The following ZSCAN25 variants were observed in gnomAD, a reference collection of about 807,000 sequenced individuals.
ZSCAN25 encodes zinc finger and SCAN domain containing 25, also known as zinc finger and SCAN domain-containing protein 25.
Under a neutral mutation model 38.7 loss-of-function variants are expected in ZSCAN25, and 27 were observed. The ratio of observed to expected loss-of-function variants is 0.70; its 90% CI spans 0.51 to 0.96. ZSCAN25 has a LOEUF of 0.96. Ranked by LOEUF, ZSCAN25 falls within the 40% of genes least tolerant of loss-of-function variation. The pLI is 0.00. For synonymous variants in ZSCAN25, 273 were observed against 277.7 expected (o/e 0.98, Z 0.17); for missense variants, 637 against 705.9 (o/e 0.90, Z 1.11).
At chr7:99,633,597 G>C (rs1410768248), downstream of ZSCAN25, among the ~76,000 whole-genome samples, 1 of 152,054 alleles carries the variant, frequency 6.6e-6, no homozygotes. Flanking sequence ...ACAGAGTCTT[G>C]CTCTGTCACC....
chr7:99,674,578 C>G, the ZSCAN25 span: 8 of 1,613,362 alleles, frequency 5.0e-6, no homozygotes, highest in South Asian at 8.8e-5. Flanking sequence ...GTCAAATTTC[C>G]AGAGACCCTG....
chr7:99,660,278 G>A, the ZSCAN25 span: 2 of 614,514 alleles, frequency 3.3e-6, no homozygotes, highest in Non-Finnish European at 2.0e-6. Flanking sequence ...GTAAACAGGT[G>A]AACCAGGGCC....
rs1807977606 is a variant in ZSCAN25, at chr7:99,631,241, C to A, written c.*1221C>A. ...ACTAAATGGTCTCTGCCCTCCAGAC[C>A]CTTGTCATCCAAGGCACTAGGGGTC... On this transcript the variant is annotated 3_prime_UTR_variant, in exon 8 of 8. Coordinates refer to ENST00000394152, the MANE Select transcript of ZSCAN25 (RefSeq NM_145115.3). 1.0e-6 allele frequency: 1 copy of A among 985,272 alleles called. No individual in the cohort carries two copies. Among genetic ancestry groups the A allele is most frequent in the Admixed American group, 6.2e-5 (1 of 16,260 alleles). The allele number at this position is 985,272 out of a possible 1,614,324, so 61.0% of individuals were successfully genotyped here.
At chr7:99,624,676 CCGA>C (rs1807311867) in intron 7 of ZSCAN25, among the ~76,000 whole-genome samples, 1 of 152,118 alleles carries the variant, frequency 6.6e-6, no homozygotes, top group Non-Finnish European at 1.5e-5. Context: ...TTGGAGTGGC[CCGA>C]GTCACAGAGG....
chr7:99,646,522 G>A, the ZSCAN25 span, among the ~76,000 whole-genome samples: 1 of 151,998 alleles, frequency 6.6e-6, no homozygotes, highest in African/African-American at 2.4e-5. Flanking sequence ...AATATCATTT[G>A]GAAGTCATAT....
At chr7:99,672,414 A>G in the ZSCAN25 span, among the ~76,000 whole-genome samples, 5 of 152,142 alleles carry the variant, frequency 3.3e-5, no homozygotes, top group Non-Finnish European at 5.9e-5. Context: ...ATATATTGCA[A>G]TATACAAGAT....
intron 7 of ZSCAN25, 41 bp downstream of exon 7, chr7:99,624,221 C>A (rs777009499): frequency 6.2e-7 from 1 of 1,611,998 alleles, no homozygotes; most frequent in Non-Finnish European, 8.5e-7. Context: ...CTGGGGAGTT[C>A]TGAAAGCTCA....
At chr7:99,655,359 T>C in the ZSCAN25 span, among the ~76,000 whole-genome samples, 1 of 152,360 alleles carries the variant, frequency 6.6e-6, no homozygotes, top group South Asian at 2.1e-4. Context: ...TGCTTGTTTT[T>C]GTCAGGTTTG....
chr7:99,679,717 A>G, the ZSCAN25 span: 26 of 1,023,112 alleles, frequency 2.5e-5, no homozygotes, highest in South Asian at 3.3e-4. Context: ...CACTTCAGCT[A>G]CTTCTCCTTG....
At chr7:99,685,190 G>A in the ZSCAN25 span, 1 of 1,613,458 alleles carries the variant, frequency 6.2e-7, no homozygotes, top group Admixed American at 1.7e-5. Flanking sequence ...AGAACAATGG[G>A]TTTTTCTGGT....
chr7:99,736,946 G>A, the ZSCAN25 span, among the ~76,000 whole-genome samples: 1 of 152,150 alleles, frequency 6.6e-6, no homozygotes, highest in Non-Finnish European at 1.5e-5. Context: ...ATGGAGGTAT[G>A]CATGTGCTGT....
At chr7:99,650,315 A>G in the ZSCAN25 span, 22 of 1,243,250 alleles carry the variant, frequency 1.8e-5, no homozygotes, top group Non-Finnish European at 2.5e-5. Flanking sequence ...CTTAAGAACA[A>G]CCCCCCTCCA....
At chr7:99,683,972 T>C in the ZSCAN25 span, among the ~76,000 whole-genome samples, 8 of 152,106 alleles carry the variant, frequency 5.3e-5, no homozygotes, top group African/African-American at 9.7e-5. Context: ...AATTGACCAA[T>C]TGACTGTTTC....
downstream of ZSCAN25, among the ~76,000 whole-genome samples, chr7:99,633,889 C>T (rs1395351851): frequency 5.9e-5 from 9 of 152,220 alleles, no homozygotes; most frequent in Non-Finnish European, 7.3e-5. Flanking sequence ...TCTTTGCTTT[C>T]TGGCATGACA....
At chr7:99,638,126 C>T in the ZSCAN25 span, 21 of 1,032,032 alleles carry the variant, frequency 2.0e-5, no homozygotes, top group South Asian at 3.8e-4. Flanking sequence ...AGAACAGTAA[C>T]TCCAGAGTTC....
downstream of ZSCAN25, among the ~76,000 whole-genome samples, chr7:99,632,986 G>GTTTTTTTTTTTTTTTTTT (rs201141594): frequency 1.3e-4 from 19 of 141,532 alleles, no homozygotes; most frequent in East Asian, 4.3e-4. Context: ...TGCATTTTCT[G>GTTTTTTTTTTTTTTTTTT]TTGTTTTTTT....
the ZSCAN25 span, chr7:99,710,686 C>A: frequency 1.2e-6 from 2 of 1,613,296 alleles, no homozygotes; most frequent in Non-Finnish European, 1.7e-6. Context: ...AGCATCTTTG[C>A]TAAGGCTTCA....
chr7:99,701,352 T>C, the ZSCAN25 span, among the ~76,000 whole-genome samples: 1 of 152,270 alleles, frequency 6.6e-6, no homozygotes, highest in South Asian at 2.1e-4. Context: ...CCCATTCATC[T>C]GTTGATGGAC....
the ZSCAN25 span, among the ~76,000 whole-genome samples, chr7:99,680,790 C>T: frequency 6.6e-6 from 1 of 152,310 alleles, no homozygotes; most frequent in South Asian, 2.1e-4. Context: ...AAATCATGTT[C>T]TGCCACTTAA....
Sources: gnomAD v4.1 joint callset for allele counts (sites outside exome capture counted in the v4.1 genomes callset) on GRCh38, gnomAD v4.1.1 for gene constraint, MANE v1.5 for transcripts, NCBI Gene and HGNC (gene_info 2026-07-23, HGNC 2026-07-21) for gene names.